Variants in CACNA2D1 observed in about 807,000 individuals in gnomAD.
CACNA2D1 encodes voltage-dependent calcium channel subunit alpha-2/delta-1.
Under a neutral mutation model 171.5 loss-of-function variants are expected in CACNA2D1, and 53 were observed. The ratio of observed to expected loss-of-function variants is 0.31; its 90% CI spans 0.25 to 0.39. CACNA2D1 has a LOEUF of 0.39. CACNA2D1 is among the 10% of genes least tolerant of loss of function. The pLI is 1.00. For synonymous variants in CACNA2D1, 442 were observed against 443.1 expected, an observed-to-expected ratio of 1.00 and a Z score of 0.03; for missense variants, 903 against 1,299.8, an observed-to-expected ratio of 0.69 and a Z score of 4.69.
chr7:82,224,569 G>C (rs532462422), intron 3 of CACNA2D1, among the ~76,000 whole-genome samples: 1 of 151,912 alleles, frequency 6.6e-6, no homozygotes. Flanking sequence ...GCAACACAGC[G>C]AGACTCCGAC....
intron 1 of CACNA2D1, among the ~76,000 whole-genome samples, chr7:82,403,185 G>A (rs1019478679): frequency 6.6e-6 from 1 of 152,174 alleles, no homozygotes; most frequent in Non-Finnish European, 1.5e-5. Flanking sequence ...AGGGGTCTAA[G>A]TTTGAACTTC....
At chr7:82,439,779 T>C (rs539895161) in intron 1 of CACNA2D1, among the ~76,000 whole-genome samples, 4 of 151,674 alleles carry the variant, frequency 2.6e-5, no homozygotes, top group Non-Finnish European at 5.9e-5. Flanking sequence ...GTAAATGTTA[T>C]ATGGTTAAGC....
rs141138604 is a variant in CACNA2D1, at chr7:82,334,587, A to G, written c.294+548T>C. Among the ~76,000 whole-genome samples, 365 of 152,344 alleles carry G rather than the reference A, an allele frequency of 2.4e-3. 3 individuals carry two copies. Among genetic ancestry groups the G allele is most frequent in the African/African-American group, 8.3e-3 (346 of 41,570 alleles). On this transcript the variant is annotated intron_variant, in intron 3 of 38. Transcript: ENST00000356860. ...AACCAAGTAGCTGAAGATTACATACAGTGCAATATGAATTTGATAATGCTA... is the reference window on the plus strand; with the variant it reads ...AACCAAGTAGCTGAAGATTACATACGGTGCAATATGAATTTGATAATGCTA...
chr7:81,959,280 CATT>C lies in CACNA2D1; in HGVS notation c.3151_3153del (p.Asn1051del). The C allele has an allele frequency of 6.3e-7, 1 of 1,597,792 alleles. No homozygotes were observed. The highest frequency in any genetic ancestry group is 8.6e-7 in the Non-Finnish European group (1 of 1,165,326). On this transcript the variant is annotated inframe_deletion, in exon 38 of 39. Coordinates refer to ENST00000356860, the MANE Select transcript of CACNA2D1 (RefSeq NM_000722.4). ...CAGTAGAAGTGTGATCTTACCAAGACATTGTTATCAAAGCAGACATCAGGCCCT... is the reference window on the plus strand; with the variant it reads ...CAGTAGAAGTGTGATCTTACCAAGACGTTATCAAAGCAGACATCAGGCCCT...
rs1184229237 is a variant in CACNA2D1 at position 82,005,790 on chromosome 7, A to G, written c.1490T>C (p.Ile497Thr). Residue 497 changes from isoleucine to threonine, a missense_variant, in exon 17 of 39, where the codon ATT becomes ACT. Physicochemically the swap from Ile to Thr is moderately conservative, Grantham distance 89 (BLOSUM62 -1). Around this residue, in one of 5 missense-constraint regions of CACNA2D1, gnomAD observed 623 missense variants for 925.5 expected, o/e 0.67. Transcript: ENST00000356860. ...VMGVDVSLEDIKRLTPRFTLC... is the reference protein window; with the variant it reads ...VMGVDVSLEDTKRLTPRFTLC... Reference sequence around the variant, plus strand: ...TGTAAAACGTGGTGTCAGTCTTTTAATATCTTCCAAAGACACATCTACTCC... The same window carrying G: ...TGTAAAACGTGGTGTCAGTCTTTTAGTATCTTCCAAAGACACATCTACTCC... 1 of 1,608,128 alleles carries G rather than the reference A, an allele frequency of 6.2e-7. No individual in the cohort carries two copies. Among genetic ancestry groups the G allele is most frequent in the Non-Finnish European group, 8.5e-7 (1 of 1,174,704 alleles).
At chr7:82,258,014 G>T (rs187941130) in intron 3 of CACNA2D1, among the ~76,000 whole-genome samples, 1 of 152,160 alleles carries the variant, frequency 6.6e-6, no homozygotes, top group Admixed American at 6.5e-5. Flanking sequence ...TGTTGGAAGA[G>T]ATGGGAGGCA....
intron 6 of CACNA2D1, among the ~76,000 whole-genome samples, chr7:82,094,456 A>G (rs1369075554): frequency 6.6e-6 from 1 of 152,178 alleles, no homozygotes; most frequent in Non-Finnish European, 1.5e-5. Flanking sequence ...AGAGAGATGG[A>G]CATCTGTATA....
intron 5 of CACNA2D1, among the ~76,000 whole-genome samples, chr7:82,128,248 T>C (rs1188154011): frequency 6.6e-6 from 1 of 152,052 alleles, no homozygotes; most frequent in East Asian, 1.9e-4. Flanking sequence ...TGTTTTTAAG[T>C]TTCAAGAGGA....
chr7:82,158,214 T>C (rs1401015494), intron 4 of CACNA2D1, among the ~76,000 whole-genome samples: 1 of 151,960 alleles, frequency 6.6e-6, no homozygotes, highest in Non-Finnish European at 1.5e-5. Context: ...TATGTTTCCA[T>C]ATATTTGCAT....
chr7:82,280,292 CAGAG>C (rs1162371687), intron 3 of CACNA2D1, among the ~76,000 whole-genome samples: 4 of 151,996 alleles, frequency 2.6e-5, no homozygotes, highest in African/African-American at 7.3e-5. Context: ...TTACATATGA[CAGAG>C]AGGAAAATTT....
intron 4 of CACNA2D1, among the ~76,000 whole-genome samples, chr7:82,156,697 CG>C (rs1239357955): frequency 5.9e-5 from 9 of 151,350 alleles, no homozygotes; most frequent in Non-Finnish European, 1.3e-4. Flanking sequence ...AGATATTAAA[CG>C]TTTTTTTAAA....
chr7:82,297,003 G>C (rs956360218), intron 3 of CACNA2D1, among the ~76,000 whole-genome samples: 1 of 148,746 alleles, frequency 6.7e-6, no homozygotes, highest in Non-Finnish European at 1.5e-5. Context: ...GGGAGGCGGA[G>C]GTGGGAAGAT....
intron 7 of CACNA2D1, among the ~76,000 whole-genome samples, chr7:82,074,293 C>G (rs1010574556): frequency 8.5e-5 from 13 of 152,132 alleles, no homozygotes; most frequent in African/African-American, 3.1e-4. Context: ...GTGGTACGAT[C>G]TAGGCTCACT....
chr7:82,177,339 A>G (rs1796648490), intron 3 of CACNA2D1, among the ~76,000 whole-genome samples: 2 of 152,074 alleles, frequency 1.3e-5, no homozygotes. Flanking sequence ...TTGGAAGTGT[A>G]TTTTTAAAAA....
intron 6 of CACNA2D1, among the ~76,000 whole-genome samples, chr7:82,085,226 A>G (rs1222791907): frequency 6.6e-6 from 1 of 152,098 alleles, no homozygotes. Flanking sequence ...ATCCTGTGAA[A>G]ATGTTTAGCA....
At chr7:82,106,621 C>T (rs967372401) in intron 6 of CACNA2D1, among the ~76,000 whole-genome samples, 2 of 151,786 alleles carry the variant, frequency 1.3e-5, no homozygotes, top group African/African-American at 4.8e-5. Context: ...CCTGAATATT[C>T]TTATTCCATA....
At chr7:82,066,115 A>C (rs950028212) in intron 8 of CACNA2D1, among the ~76,000 whole-genome samples, 2 of 151,952 alleles carry the variant, frequency 1.3e-5, no homozygotes, top group Non-Finnish European at 2.9e-5. Flanking sequence ...ATTATCTCCT[A>C]CTCTATCTCA....
Position 81,983,767 on chromosome 7 carries a change from A to C in CACNA2D1, c.1874-433T>G, listed in dbSNP as rs370834437. 1.5e-4 allele frequency among the ~76,000 whole-genome samples: 23 copies of C among 152,346 alleles called. No individual in the cohort carries two copies. In the South Asian group the frequency reaches 4.8e-3, roughly 32 times the overall value. Reference sequence around the variant, plus strand: ...GTGAAAGTGGAAATATAAATGTACTATGTATAATGCACAGTGAACACCAGG... The same window carrying C: ...GTGAAAGTGGAAATATAAATGTACTCTGTATAATGCACAGTGAACACCAGG... On this transcript the variant is annotated intron_variant, in intron 22 of 38. Coordinates refer to ENST00000356860, the MANE Select transcript of CACNA2D1 (RefSeq NM_000722.4).
intron 1 of CACNA2D1, among the ~76,000 whole-genome samples, chr7:82,416,805 T>G (rs1347545994): frequency 6.6e-6 from 1 of 152,158 alleles, no homozygotes; most frequent in African/African-American, 2.4e-5. Flanking sequence ...ACAGGAATTT[T>G]GGGGGAGCAC....
Sources: gnomAD v4.1 joint callset for allele counts (sites outside exome capture counted in the v4.1 genomes callset) on GRCh38, gnomAD v4.1.1 for gene constraint, gnomAD v4.1.1 regional missense constraint, MANE v1.5 for transcripts, NCBI Gene and HGNC (gene_info 2026-07-23, HGNC 2026-07-21) for gene names.